Variants in SNF8 observed in about 807,000 individuals in gnomAD.
SNF8 encodes the protein vacuolar-sorting protein SNF8.
SNF8 carries 19 observed loss-of-function variants against 36.8 expected under a neutral mutation model. The observed-to-expected ratio is 0.52, with a 90% CI of 0.36 to 0.76. SNF8 has a LOEUF of 0.76. Among genes scored for constraint, SNF8 ranks in the 30% least tolerant of loss-of-function variants. SNF8 has a pLI of 0.00. For synonymous variants in SNF8, 127 were observed against 127.4 expected, an observed-to-expected ratio of 1.00 and a Z score of 0.02; for missense variants, 268 against 322.9, an observed-to-expected ratio of 0.83 and a Z score of 1.30.
In SNF8 at chr17:48,937,053, C is replaced by T. The variant is rs373056828; in HGVS notation, c.316G>A (p.Glu106Lys). Residue 106 changes from glutamate to lysine, a missense_variant, in exon 4 of 8, where the codon GAA becomes AAA. Glu to Lys is a moderately conservative substitution (Grantham distance 56, BLOSUM62 1). Coordinates refer to ENST00000502492, the MANE Select transcript of SNF8 (RefSeq NM_007241.4). ...CGATGCTTCAGCGCCAGGCACACTTCGATAATTTGGACACCTAGTTCGTAA... is the reference window on the plus strand; with the variant it reads ...CGATGCTTCAGCGCCAGGCACACTTTGATAATTTGGACACCTAGTTCGTAA... ...FYYELGVQIIEVCLALKHRNG... is the reference protein window; with the variant it reads ...FYYELGVQIIKVCLALKHRNG... 8 of 1,614,126 alleles carry T rather than the reference C, an allele frequency of 5.0e-6. No individual in the cohort carries two copies. The highest frequency in any genetic ancestry group is 1.1e-5 in the South Asian group (1 of 91,082).
chr17:48,939,152 C>T (rs2040982174), intron 3 of SNF8, among the ~76,000 whole-genome samples: 1 of 151,498 alleles, frequency 6.6e-6, no homozygotes, highest in Admixed American at 6.6e-5. Context: ...CAGCTAGCTA[C>T]TCAGGAGGCT....
chr17:48,940,072 C>CA (rs34067220), intron 3 of SNF8, among the ~76,000 whole-genome samples: 51,067 of 91,388 alleles, frequency 0.56, 14,654 homozygotes, highest in East Asian at 0.88. Flanking sequence ...AAGACTGTCT[C>CA]AAAAAAAAAA....
chr17:48,936,765 T>C lies in SNF8; in HGVS notation c.349+255A>G, dbSNP rs1994970. ...GGGGAAAAGGCCTACTTCCTACCTC[T>C]CTACTATTTTCTGTACTGACTAGGG... On this transcript the variant is annotated intron_variant, in intron 4 of 7. Coordinates refer to ENST00000502492, the MANE Select transcript of SNF8 (RefSeq NM_007241.4). 255,592 of 524,328 alleles carry C rather than the reference T, an allele frequency of 0.49. 67,612 individuals carry two copies. The highest frequency in any genetic ancestry group is 0.72 in the East Asian group (22,339 of 31,106). The allele number at this position is 524,328 out of a possible 1,614,324, so 32.5% of individuals were successfully genotyped here.
intron 3 of SNF8, among the ~76,000 whole-genome samples, chr17:48,938,171 TAAAC>T (rs1415980508): frequency 3.3e-5 from 5 of 151,978 alleles, no homozygotes; most frequent in Non-Finnish European, 4.4e-5. Flanking sequence ...AATAAATAAA[TAAAC>T]AATCCACTGA....
At chr17:48,939,082 C>A (rs1406186665) in intron 3 of SNF8, among the ~76,000 whole-genome samples, 3 of 150,538 alleles carry the variant, frequency 2.0e-5, no homozygotes, top group Non-Finnish European at 4.4e-5. Context: ...GATGGTGAAA[C>A]TCCGTCTCTA....
intron 3 of SNF8, among the ~76,000 whole-genome samples, chr17:48,938,217 T>C (rs1249925973): frequency 6.6e-6 from 1 of 151,802 alleles, no homozygotes; most frequent in Non-Finnish European, 1.5e-5. Flanking sequence ...AAAATGCAGG[T>C]TGGGCGCAGT....
At position 48,944,820 on chromosome 17, in the gene SNF8, A is replaced by C; in HGVS notation, c.-86T>G. On this transcript the variant is annotated 5_prime_UTR_variant, in exon 1 of 8. Coordinates refer to ENST00000502492, the MANE Select transcript of SNF8 (RefSeq NM_007241.4). The stretch of plus-strand genomic sequence containing the variant: ...TCCGCCGCCGGCTCCCCAAGGCGGA[A>C]GCCCGAGCCGCGCGTCATCTGCACG... 1 of 1,412,818 alleles carries C rather than the reference A, an allele frequency of 7.1e-7. No individual in the cohort carries two copies. The highest frequency in any genetic ancestry group is 9.1e-7 in the Non-Finnish European group (1 of 1,094,768). The allele number at this position is 1,412,818 out of a possible 1,614,324, so 87.5% of individuals were successfully genotyped here.
chr17:48,929,731 G>A lies in SNF8; in HGVS notation c.*744C>T, dbSNP rs1168152162. On this transcript the variant is annotated 3_prime_UTR_variant, in exon 8 of 8. Coordinates refer to ENST00000502492, the MANE Select transcript of SNF8 (RefSeq NM_007241.4). ...CGGCCCCTGGCAAATTACTTTGATT[G>A]AATCACCTGTGATGTTGAAGGCTGC... is the stretch of plus-strand genomic sequence containing the variant. The A allele has an allele frequency of 6.6e-6, 1 of 152,110 alleles. No homozygotes were observed. Among genetic ancestry groups the A allele is most frequent in the Non-Finnish European group, 1.5e-5 (1 of 68,026 alleles). The allele number at this position is 152,110 out of a possible 1,614,324, so 9.4% of individuals were successfully genotyped here.
chr17:48,942,847 CTTTTTTTTTTTTTTTT>C (rs71144543), intron 2 of SNF8, among the ~76,000 whole-genome samples: 1 of 86,182 alleles, frequency 1.2e-5, no homozygotes, highest in Non-Finnish European at 2.0e-5. Context: ...CGCACCCGGC[CTTTTTTTTTTTTTTTT>C]TTTTTTTTTT....
chr17:48,934,534 GC>G, intron 5 of SNF8: 2 of 184,790 alleles, frequency 1.1e-5, no homozygotes, highest in South Asian at 6.9e-5. Flanking sequence ...AACCCAGGAG[GC>G]GGAGGTTGCA....
intron 3 of SNF8, among the ~76,000 whole-genome samples, chr17:48,939,627 T>G (rs1198597254): frequency 1.3e-5 from 2 of 151,144 alleles, no homozygotes; most frequent in Non-Finnish European, 2.9e-5. Context: ...ACCTGGCTAA[T>G]TTTTTGTATT....
intron 2 of SNF8, among the ~76,000 whole-genome samples, chr17:48,943,032 A>G (rs528474465): frequency 6.7e-4 from 101 of 151,542 alleles, no homozygotes; most frequent in African/African-American, 2.2e-3. Flanking sequence ...CGCCCGGCTA[A>G]TTTTTGTATT....
Position 48,940,025 on chromosome 17 carries a change from A to G in SNF8, c.244+899T>C, listed in dbSNP as rs558328826. On this transcript the variant is annotated intron_variant, in intron 3 of 7. Transcript: ENST00000502492. Reference sequence around the variant, plus strand: ...GGGAGGCAGAGGTTGCAGTGAGCCAAGATGGCACCACTGCACTCCAGCGTA... The same window carrying G: ...GGGAGGCAGAGGTTGCAGTGAGCCAGGATGGCACCACTGCACTCCAGCGTA... Among the ~76,000 whole-genome samples, 569 of 149,184 alleles carry G rather than the reference A, an allele frequency of 3.8e-3. 2 individuals are homozygous for G. The highest frequency in any genetic ancestry group is 6.7e-3 in the Non-Finnish European group (448 of 67,348).
chr17:48,933,166 G>A (rs1363639739), intron 6 of SNF8, 39 bp downstream of exon 6: 8 of 1,606,018 alleles, frequency 5.0e-6, no homozygotes, highest in East Asian at 4.5e-5. Flanking sequence ...CTCACAGACT[G>A]TCCCTTGCAC....
intron 2 of SNF8, among the ~76,000 whole-genome samples, chr17:48,943,234 C>A (rs1226256794): frequency 6.6e-6 from 1 of 151,758 alleles, no homozygotes; most frequent in Admixed American, 6.6e-5. Flanking sequence ...CTCTGGGAGG[C>A]CGAGGCGGGT....
chr17:48,929,338 TC>T lies in SNF8; in HGVS notation c.*1136del, dbSNP rs911957331. On this transcript the variant is annotated 3_prime_UTR_variant, in exon 8 of 8. Coordinates refer to ENST00000502492, the MANE Select transcript of SNF8 (RefSeq NM_007241.4). ...TATTCCAGAGCTTGGAGTGAGCATG[TC>T]CTACAAGGATAGGCAGAGGAAGAGA... 2 of 152,188 alleles carry T rather than the reference TC, an allele frequency of 1.3e-5. No homozygotes were observed. Among genetic ancestry groups the T allele is most frequent in the African/African-American group, 4.8e-5 (2 of 41,438 alleles). 9.4% of individuals were successfully genotyped at this position (152,188 alleles called of 1,614,324 possible).
rs564424013 is a variant in SNF8, at chr17:48,931,250, T to C, written c.639+393A>G. ...AATTTGTATATATAAAGCTAGAGTA[T>C]ATACTATGCAATATAATGCTTAGTG... On this transcript the variant is annotated intron_variant, in intron 7 of 7. Coordinates refer to ENST00000502492, the MANE Select transcript of SNF8 (RefSeq NM_007241.4). Among the ~76,000 whole-genome samples the C allele has an allele frequency of 5.9e-5, 9 of 152,342 alleles. No homozygotes were observed. In the South Asian group the frequency reaches 1.9e-3, roughly 32 times the overall value.
At chr17:48,939,170 G>A (rs2040982326) in intron 3 of SNF8, among the ~76,000 whole-genome samples, 1 of 151,138 alleles carries the variant, frequency 6.6e-6, no homozygotes. Context: ...GCTGAGGCAG[G>A]AGAATCACTT....
Position 48,944,791 on chromosome 17 carries a change from G to T in SNF8, c.-57C>A. The T allele has an allele frequency of 2.0e-6, 3 of 1,513,458 alleles. No homozygotes were observed. Among genetic ancestry groups the T allele is most frequent in the Non-Finnish European group, 2.6e-6 (3 of 1,141,386 alleles). 93.8% of individuals were successfully genotyped at this position (1,513,458 alleles called of 1,614,324 possible). ...CCGGGACCCCGGGTCTCCACGTCCC[G>T]GACTCCGCCGCCGGCTCCCCAAGGC... On this transcript the variant is annotated 5_prime_UTR_variant, in exon 1 of 8. Coordinates refer to ENST00000502492, the MANE Select transcript of SNF8 (RefSeq NM_007241.4).
Sources: gnomAD v4.1 joint callset for allele counts (sites outside exome capture counted in the v4.1 genomes callset) on GRCh38, gnomAD v4.1.1 for gene constraint, MANE v1.5 for transcripts, NCBI Gene and HGNC (gene_info 2026-07-23, HGNC 2026-07-21) for gene names.